PRH1: variants seen among roughly 807,000 people sequenced by gnomAD.
PRH1 encodes proline rich protein HaeIII subfamily 1.
In PRH1, 7 loss-of-function variants were observed where a neutral mutation model predicts 7.9. That is an observed-to-expected ratio of 0.89 (90% CI 0.50 to 1.67). The LOEUF (loss-of-function observed/expected upper bound fraction) is 1.67. Ranked by LOEUF, PRH1 falls within the 40% of genes most tolerant of loss-of-function variation. The pLI is 0.00. For synonymous variants in PRH1, 45 were observed against 80.8 expected, an observed-to-expected ratio of 0.56 and a Z score of 2.38; for missense variants, 109 against 223.6, an observed-to-expected ratio of 0.49 and a Z score of 3.27.
At chr12:11,136,523 T>C (rs1047109853) in intron 1 of PRH1, among the ~76,000 whole-genome samples, 25 of 152,218 alleles carry the variant, frequency 1.6e-4, no homozygotes, top group African/African-American at 5.3e-4. Context: ...CTCATAGACA[T>C]AGAAAAGTTC....
intron 1 of PRH1, among the ~76,000 whole-genome samples, chr12:11,128,353 G>GGAT (rs1451996106): frequency 7.9e-6 from 1 of 127,068 alleles, no homozygotes; most frequent in Non-Finnish European, 1.8e-5. Context: ...TTCTAAGAGG[G>GGAT]GATCTTGGAG....
rs1421273401 is a variant in PRH1, at chr12:11,090,913, C to G, written n.124-43725G>C. ...AGCAATATTTTTCCGGGGATAAGCT[C>G]TTACTTCTTAATAATTATAAATAGA... On this transcript the variant is annotated intron_variant and non_coding_transcript_variant, in intron 1 of 4. Transcript: ENST00000541977. Among the ~76,000 whole-genome samples, 25 of 90,116 alleles carry G rather than the reference C, an allele frequency of 2.8e-4. 7 individuals carry two copies. Among genetic ancestry groups the G allele is most frequent in the Non-Finnish European group, 4.9e-4 (18 of 36,786 alleles). 59.1% of individuals were successfully genotyped at this position (90,116 alleles called of 152,430 possible).
At position 10,883,066 on chromosome 12, in the gene PRH1, A is replaced by G. The variant is rs548850666; in HGVS notation, c.95T>C (p.Ile32Thr). ...DVSQEDVPLV[I>T]SDGGDSEQFL... ...GAGAATTTATTGGGATTTACCTGAT[A>G]TTACGAGGGGAACATCTTCCTGGCT... is the stretch of plus-strand genomic sequence containing the variant. The change falls in exon 2 of 4, where the codon ATA becomes ACA. Residue 32 changes from isoleucine to threonine, a missense_variant. Around this residue, in one of 3 missense-constraint regions of PRH1, gnomAD observed 60 missense variants for 76.5 expected, o/e 0.78. Coordinates refer to ENST00000543626, the MANE Select transcript of PRH1 (RefSeq NM_001393989.1). The G allele has an allele frequency of 6.2e-7, 1 of 1,613,322 alleles. No individual in the cohort carries two copies. The highest frequency in any genetic ancestry group is 1.1e-5 in the South Asian group (1 of 91,054).
At chr12:10,942,330 G>A (rs1021071912) in intron 2 of PRH1, among the ~76,000 whole-genome samples, 5 of 152,164 alleles carry the variant, frequency 3.3e-5, no homozygotes, top group African/African-American at 4.8e-5. Context: ...GGGTAGGGAA[G>A]TACCATCAGG....
In PRH1 at chr12:11,084,469, T is replaced by A. The variant is rs571993312; in HGVS notation, n.124-37281A>T. ...ATATGTATTCTGATAAGGATACAAA[T>A]ACTGGGTCTTCAGATGTGATCCATC... On this transcript the variant is annotated intron_variant and non_coding_transcript_variant, in intron 1 of 4. Transcript: ENST00000541977. 6.9e-4 allele frequency among the ~76,000 whole-genome samples: 90 copies of A among 131,102 alleles called. 2 individuals are homozygous for A. Among genetic ancestry groups the A allele is most frequent in the African/African-American group, 2.4e-3 (87 of 35,706 alleles). 86.0% of individuals were successfully genotyped at this position (131,102 alleles called of 152,430 possible). A position where few individuals can be genotyped will look rare whatever the true frequency, so the allele number is the denominator to read the frequency against.
At chr12:11,041,300 A>AC (rs916901109) in intron 1 of PRH1, among the ~76,000 whole-genome samples, 2 of 146,904 alleles carry the variant, frequency 1.4e-5, no homozygotes, top group African/African-American at 5.2e-5. Context: ...AAAAAAAAAA[A>AC]AAAAAAAAAA....
chr12:11,161,230 G>A (rs539901065), intron 1 of PRH1, among the ~76,000 whole-genome samples: 2 of 152,140 alleles, frequency 1.3e-5, no homozygotes, highest in South Asian at 2.1e-4. Context: ...AACTACATAG[G>A]GAAGGTTACT....
At chr12:11,064,595 C>A (rs1366048603) in intron 1 of PRH1, among the ~76,000 whole-genome samples, 1 of 152,062 alleles carries the variant, frequency 6.6e-6, no homozygotes, top group South Asian at 2.1e-4. Context: ...ACTAAATGTA[C>A]TCCTGTCAGC....
chr12:11,006,950 T>C (rs1565543221), intron 1 of PRH1, among the ~76,000 whole-genome samples: 1 of 152,090 alleles, frequency 6.6e-6, no homozygotes, highest in Admixed American at 6.6e-5. Flanking sequence ...CGTTTGCTAG[T>C]ATGCAAAAAA....
intron 2 of PRH1, chr12:10,964,806 C>G (rs1938425655): frequency 1.8e-6 from 1 of 569,748 alleles, no homozygotes; most frequent in Non-Finnish European, 3.2e-6. Flanking sequence ...ATTAAGTTTG[C>G]AAGCGTGGTT....
chr12:11,077,690 G>C, intron 1 of PRH1: 1 of 1,152,418 alleles, frequency 8.7e-7, no homozygotes, highest in Non-Finnish European at 1.2e-6. Flanking sequence ...AAGGGTATGA[G>C]GTTTGCTAGT....
intron 1 of PRH1, among the ~76,000 whole-genome samples, chr12:11,147,097 T>C (rs1485452713): frequency 6.6e-6 from 1 of 152,202 alleles, no homozygotes; most frequent in East Asian, 1.9e-4. Context: ...CACAAAACTT[T>C]AATAAGACTT....
intron 2 of PRH1, among the ~76,000 whole-genome samples, chr12:10,926,754 G>A (rs1285013435): frequency 1.3e-5 from 2 of 152,186 alleles, no homozygotes; most frequent in South Asian, 4.1e-4. Context: ...AATGGGTAGT[G>A]CCTGGAGGGA....
chr12:11,032,716 T>C (rs189850353), intron 1 of PRH1, among the ~76,000 whole-genome samples: 15 of 152,294 alleles, frequency 9.8e-5, no homozygotes, highest in Middle Eastern at 3.4e-3. Flanking sequence ...TTAAATATTA[T>C]TATAAAAAAT....
At chr12:11,104,431 T>C (rs4763623) in intron 1 of PRH1, among the ~76,000 whole-genome samples, 33,996 of 108,732 alleles carry the variant, frequency 0.31, 3,853 homozygotes, top group East Asian at 0.38. Context: ...TATTTTTCCA[T>C]CTTGATAATT....
intron 1 of PRH1, among the ~76,000 whole-genome samples, chr12:11,001,359 T>A (rs936121842): frequency 1.3e-5 from 2 of 152,156 alleles, no homozygotes; most frequent in African/African-American, 4.8e-5. Context: ...CTCTGTACCT[T>A]CAAACTTCTT....
chr12:11,083,916 G>C lies in PRH1; in HGVS notation n.124-36728C>G, dbSNP rs1944585290. Among the ~76,000 whole-genome samples, 2 of 113,540 alleles carry C rather than the reference G, an allele frequency of 1.8e-5. 1 individual carries two copies. Among genetic ancestry groups the C allele is most frequent in the Non-Finnish European group, 4.2e-5 (2 of 47,676 alleles). The allele number at this position is 113,540 out of a possible 152,430, so 74.5% of individuals were successfully genotyped here. The stretch of plus-strand genomic sequence containing the variant: ...TTTTATTTATGTTCTTTGTAAACAT[G>C]TTGCTCTAGTTGGTTCTGCTGGGAC... On this transcript the variant is annotated intron_variant and non_coding_transcript_variant, in intron 1 of 4. Coordinates refer to the PRH1 transcript ENST00000541977.
intron 1 of PRH1, among the ~76,000 whole-genome samples, chr12:10,999,636 TA>T (rs1940485591): frequency 6.6e-6 from 1 of 152,136 alleles, no homozygotes; most frequent in Non-Finnish European, 1.5e-5. Context: ...GCAAACAGAC[TA>T]GGTCCACTTC....
At chr12:11,154,242 C>A (rs1459114903) in intron 1 of PRH1, among the ~76,000 whole-genome samples, 1 of 152,064 alleles carries the variant, frequency 6.6e-6, no homozygotes, top group Admixed American at 6.6e-5. Flanking sequence ...TCCAATTCAA[C>A]TGAAATACAT....
Sources: gnomAD v4.1 joint callset for allele counts (sites outside exome capture counted in the v4.1 genomes callset) on GRCh38, gnomAD v4.1.1 for gene constraint, gnomAD v4.1.1 regional missense constraint, MANE v1.5 for transcripts, NCBI Gene and HGNC (gene_info 2026-07-23, HGNC 2026-07-21) for gene names.